The following AREL1 variants were observed in gnomAD, a reference collection of about 807,000 sequenced individuals.
AREL1 encodes the protein apoptosis resistant E3 ubiquitin protein ligase 1, also known as apoptosis-resistant E3 ubiquitin protein ligase 1.
A neutral mutation model predicts 99.0 loss-of-function variants in AREL1; 62 were observed. The observed-to-expected ratio is 0.63, with a 90% CI of 0.51 to 0.77. AREL1 has a LOEUF of 0.77. Ranked by LOEUF, AREL1 falls within the 30% of genes least tolerant of loss-of-function variation. The probability of loss-of-function intolerance (pLI) is 0.00; values close to 1 mark genes in which losing one functional copy is unlikely to be tolerated. For missense variants in AREL1, 879 were observed against 1,027.6 expected, an observed-to-expected ratio of 0.86 and a Z score of 1.98; for synonymous variants, 380 against 376.5, an observed-to-expected ratio of 1.01 and a Z score of -0.11.
chr14:74,703,256 A>T (rs2090117330), intron 1 of AREL1, among the ~76,000 whole-genome samples: 1 of 152,234 alleles, frequency 6.6e-6, no homozygotes. Context: ...GGCAAAAGGC[A>T]TGTCTTACGT....
intron 1 of AREL1, among the ~76,000 whole-genome samples, chr14:74,704,400 T>C (rs1401119544): frequency 6.6e-6 from 1 of 152,166 alleles, no homozygotes; most frequent in Admixed American, 6.5e-5. Flanking sequence ...TCAAGATGTA[T>C]ACTGGCTCAG....
In AREL1 at chr14:74,664,613, AT is replaced by A. The variant is rs747317541; in HGVS notation, c.2193+222del. On this transcript the variant is annotated intron_variant, in intron 18 of 19. Transcript: ENST00000356357. The stretch of plus-strand genomic sequence containing the variant: ...AGGCATGTGCCACCACACCCAGCTA[AT>A]TTTTTTTTTTTTTTTTTTGTATTGT... Among the ~76,000 whole-genome samples the A allele has an allele frequency of 4.2e-3, 500 of 117,964 alleles. 2 individuals carry two copies. Among genetic ancestry groups the A allele is most frequent in the African/African-American group, 0.012 (363 of 30,334 alleles). The allele number at this position is 117,964 out of a possible 152,430, so 77.4% of individuals were successfully genotyped here.
At chr14:74,709,470 C>G (rs2139999511) in intron 1 of AREL1, among the ~76,000 whole-genome samples, 1 of 152,312 alleles carries the variant, frequency 6.6e-6, no homozygotes, top group Admixed American at 6.5e-5. Context: ...AGCCACCAAC[C>G]ATACTTTACC....
Position 74,712,985 on chromosome 14 carries a change from G to C in AREL1, c.-386C>G. On this transcript the variant is annotated 5_prime_UTR_variant, in exon 1 of 20. Transcript: ENST00000356357. ...GTTCCACCTCCGCTGTCCTGGGAAG[G>C]GGCGGCAGCACTCAGCAGAAGACGG... 2.6e-6 allele frequency: 2 copies of C among 771,370 alleles called. No homozygotes were observed. The highest frequency in any genetic ancestry group is 4.5e-6 in the Non-Finnish European group (2 of 441,634). 47.8% of individuals were successfully genotyped at this position (771,370 alleles called of 1,614,324 possible). A position where few individuals can be genotyped will look rare whatever the true frequency, so the allele number is the denominator to read the frequency against.
intron 1 of AREL1, among the ~76,000 whole-genome samples, chr14:74,700,828 C>A (rs1268621024): frequency 6.6e-6 from 1 of 152,152 alleles, no homozygotes; most frequent in Non-Finnish European, 1.5e-5. Context: ...AATATGACTT[C>A]ATTTTAGACT....
intron 18 of AREL1, 117 bp from the exon 19 acceptor site, chr14:74,664,191 G>T: frequency 8.6e-7 from 1 of 1,165,676 alleles, no homozygotes; most frequent in African/African-American, 1.5e-5. Flanking sequence ...GTTCTATGAG[G>T]ACACAGGGTA....
intron 15 of AREL1, among the ~76,000 whole-genome samples, chr14:74,668,759 A>C (rs887254736): frequency 6.6e-6 from 1 of 152,190 alleles, no homozygotes; most frequent in Non-Finnish European, 1.5e-5. Context: ...TCTGCTTTTA[A>C]CTTTAAATTT....
At chr14:74,701,380 C>T (rs1329618489) in intron 1 of AREL1, among the ~76,000 whole-genome samples, 1 of 151,998 alleles carries the variant, frequency 6.6e-6, no homozygotes, top group Non-Finnish European at 1.5e-5. Context: ...GGAGGCCTCA[C>T]AAATCACGGT....
In AREL1 at chr14:74,671,021, T is replaced by A. The variant is rs930635105; in HGVS notation, c.1499-150A>T. ...GCGACTCATCTAAACTGTGGTCCTTTAGAAATCCCACCCCTTTTTGTAGGA... is the reference window on the plus strand; with the variant it reads ...GCGACTCATCTAAACTGTGGTCCTTAAGAAATCCCACCCCTTTTTGTAGGA... On this transcript the variant is annotated intron_variant, in intron 12 of 19. Transcript: ENST00000356357. 4.8e-6 allele frequency: 3 copies of A among 627,454 alleles called. No individual in the cohort carries two copies. In the South Asian group the frequency reaches 6.4e-5, roughly 13 times the overall value. 38.9% of individuals were successfully genotyped at this position (627,454 alleles called of 1,614,324 possible). A position where few individuals can be genotyped will look rare whatever the true frequency, so the allele number is the denominator to read the frequency against.
At chr14:74,683,275 A>C (rs1468530313) in intron 5 of AREL1, 21 bp downstream of exon 5, 1 of 1,560,246 alleles carries the variant, frequency 6.4e-7, no homozygotes, top group Non-Finnish European at 8.8e-7. Context: ...AAAGGGAAAA[A>C]GAAAGGAAAA....
At chr14:74,705,352 A>C (rs1014989436) in intron 1 of AREL1, among the ~76,000 whole-genome samples, 4 of 152,024 alleles carry the variant, frequency 2.6e-5, no homozygotes, top group African/African-American at 7.2e-5. Context: ...GTTATAGTCT[A>C]TTTCTGAATT....
At chr14:74,698,857 CT>C in intron 1 of AREL1, 1 of 110,228 alleles carries the variant, frequency 9.1e-6, no homozygotes, top group Non-Finnish European at 1.8e-5. Flanking sequence ...GATCCCATCT[CT>C]AAAAAAAAAA....
chr14:74,666,554 G>C (rs1254217070), intron 17 of AREL1, among the ~76,000 whole-genome samples: 2 of 152,080 alleles, frequency 1.3e-5, no homozygotes, highest in Non-Finnish European at 1.5e-5. Context: ...CACTTCATTA[G>C]AATGTAGCCC....
At chr14:74,672,709 TG>T in intron 11 of AREL1, 121 bp downstream of exon 11, 1 of 1,382,612 alleles carries the variant, frequency 7.2e-7, no homozygotes. Flanking sequence ...CACCCCAGCC[TG>T]GGCAATAGAG....
rs201493223 is a variant in AREL1 at position 74,674,601 on chromosome 14, C to T, written c.1081-490G>A. On this transcript the variant is annotated intron_variant, in intron 8 of 19. Coordinates refer to ENST00000356357, the MANE Select transcript of AREL1 (RefSeq NM_001039479.2). ...TGGGTGACAAAGTGAGACCCTGTCT[C>T]AAAAAATAAAATAAATAAAAAAAAT... is the stretch of plus-strand genomic sequence containing the variant. Among the ~76,000 whole-genome samples the T allele has an allele frequency of 6.6e-5, 10 of 151,970 alleles. No homozygotes were observed. The East Asian group carries it at 1.5e-3, about 23-fold the overall frequency.
At chr14:74,711,645 C>T (rs960102439) in intron 1 of AREL1, among the ~76,000 whole-genome samples, 8 of 152,144 alleles carry the variant, frequency 5.3e-5, no homozygotes, top group Non-Finnish European at 1.0e-4. Context: ...AGAAAACACT[C>T]TGAGTAGTCT....
At chr14:74,686,215 T>C (rs2089745043) in intron 2 of AREL1, among the ~76,000 whole-genome samples, 1 of 152,210 alleles carries the variant, frequency 6.6e-6, no homozygotes, top group African/African-American at 2.4e-5. Context: ...TCATTTATGC[T>C]GTTACCAATC....
chr14:74,674,140 T>C (rs1381004631), intron 8 of AREL1, 29 bp from the exon 9 acceptor site: 2 of 1,573,210 alleles, frequency 1.3e-6, no homozygotes, highest in South Asian at 2.2e-5. Flanking sequence ...GGAAATGAAG[T>C]GAATGATAAA....
At chr14:74,696,203 C>T (rs1455243837) in intron 1 of AREL1, among the ~76,000 whole-genome samples, 1 of 152,104 alleles carries the variant, frequency 6.6e-6, no homozygotes, top group East Asian at 1.9e-4. Context: ...TAAAGCTACA[C>T]AACTACCTTA....
Sources: allele counts gnomAD v4.1 joint callset (sites outside exome capture counted in the v4.1 genomes callset), GRCh38; gene constraint gnomAD v4.1.1; transcripts MANE v1.5; gene names NCBI Gene and HGNC (gene_info 2026-07-23, HGNC 2026-07-21).